The following GPHN variants were observed in gnomAD, a reference collection of about 807,000 sequenced individuals.
GPHN encodes the protein gephyrin.
Under a neutral mutation model 95.5 loss-of-function variants are expected in GPHN, and 17 were observed. That is an observed-to-expected ratio of 0.18 (90% confidence interval 0.12 to 0.27). The LOEUF is 0.27. GPHN is among the 10% of genes least tolerant of loss of function. GPHN has a pLI of 1.00. For synonymous variants in GPHN, 320 were observed against 322.5 expected (o/e 0.99, Z 0.08); for missense variants, 660 against 978.1 (o/e 0.67, Z 4.34).
chr14:66,523,005 A>G (rs1170102933), intron 1 of GPHN, among the ~76,000 whole-genome samples: 1 of 152,070 alleles, frequency 6.6e-6, no homozygotes, highest in Non-Finnish European at 1.5e-5. Flanking sequence ...TGATCTCTAA[A>G]ATCCCCTTCA....
the GPHN span, among the ~76,000 whole-genome samples, chr14:67,509,177 A>G: frequency 2.0e-5 from 3 of 152,178 alleles, no homozygotes; most frequent in African/African-American, 7.2e-5. Flanking sequence ...TTCCCTTTAC[A>G]GTAACTCCCA....
the GPHN span, chr14:67,338,759 T>C: frequency 1.2e-6 from 2 of 1,611,074 alleles, no homozygotes; most frequent in Non-Finnish European, 8.5e-7. Flanking sequence ...GTATTTTCTT[T>C]AACCTGTAAA....
the GPHN span, among the ~76,000 whole-genome samples, chr14:67,516,301 A>G: frequency 6.6e-6 from 1 of 152,044 alleles, no homozygotes; most frequent in Non-Finnish European, 1.5e-5. Flanking sequence ...TCACTAACCC[A>G]TCCGGAGAGG....
At chr14:66,768,354 A>C (rs2059040126) in intron 2 of GPHN, among the ~76,000 whole-genome samples, 2 of 151,994 alleles carry the variant, frequency 1.3e-5, no homozygotes, top group South Asian at 4.1e-4. Context: ...ATTATAGAGA[A>C]GATAATCTCT....
At chr14:67,417,969 C>T in the GPHN span, among the ~76,000 whole-genome samples, 52 of 152,118 alleles carry the variant, frequency 3.4e-4, no homozygotes, top group Non-Finnish European at 7.2e-4. Flanking sequence ...TGGATTTGAA[C>T]TCCTGGGCGC....
intron 2 of GPHN, among the ~76,000 whole-genome samples, chr14:66,746,769 A>G (rs1268610110): frequency 6.6e-6 from 1 of 152,170 alleles, no homozygotes; most frequent in Non-Finnish European, 1.5e-5. Flanking sequence ...CACCAAGGCT[A>G]CATGGTGGGA....
intron 21 of GPHN, among the ~76,000 whole-genome samples, chr14:67,178,216 T>C (rs1348082977): frequency 6.6e-6 from 1 of 152,324 alleles, no homozygotes; most frequent in Admixed American, 6.5e-5. Context: ...TTCCTTTCCA[T>C]GTTTAGTGCT....
intron 11 of GPHN, among the ~76,000 whole-genome samples, chr14:67,088,073 T>C (rs2076982404): frequency 6.6e-6 from 1 of 152,214 alleles, no homozygotes; most frequent in Non-Finnish European, 1.5e-5. Context: ...ACTAGTGCTC[T>C]TCTTATAGGC....
chr14:67,224,644 G>T, the GPHN span: 3 of 299,948 alleles, frequency 1.0e-5, no homozygotes, highest in African/African-American at 4.6e-5. Context: ...TTTACAGTGA[G>T]CCCAAATTAT....
At chr14:67,302,011 A>G in the GPHN span, 12 of 1,608,622 alleles carry the variant, frequency 7.5e-6, no homozygotes, top group Non-Finnish European at 1.0e-5. Flanking sequence ...TGAGCAGGAA[A>G]TGCAGCTAGA....
rs112158305 is a variant in GPHN, at chr14:66,844,604, C to T, written c.294+20038C>T. 6.5e-3 allele frequency among the ~76,000 whole-genome samples: 986 copies of T among 151,864 alleles called. 13 individuals carry two copies. The highest frequency in any genetic ancestry group is 0.022 in the African/African-American group (931 of 41,390). On this transcript the variant is annotated intron_variant, in intron 4 of 22. Transcript: ENST00000478722. ...TAAAGAGGTGATAGATTTAGGGATA[C>T]GGAAAAAGTATGGATGGGTTTTTAT...
At chr14:67,185,314 T>A (rs560398430), downstream of GPHN, among the ~76,000 whole-genome samples, 2 of 152,218 alleles carry the variant, frequency 1.3e-5, no homozygotes, top group African/African-American at 2.4e-5. Context: ...GGTGGCCCAA[T>A]GTGGCTGGGA....
chr14:67,684,324 T>G, the GPHN span, among the ~76,000 whole-genome samples: 1 of 152,152 alleles, frequency 6.6e-6, no homozygotes, highest in African/African-American at 2.4e-5. Flanking sequence ...TTTGATCTTA[T>G]GTGATGCCTG....
At position 67,165,293 on chromosome 14, in the gene GPHN, T is replaced by C; in HGVS notation, c.1975+67T>C. 4.2e-6 allele frequency: 4 copies of C among 952,676 alleles called. No individual in the cohort carries two copies. The Admixed American group carries it at 7.0e-5, about 17-fold the overall frequency. 59.0% of individuals were successfully genotyped at this position (952,676 alleles called of 1,614,324 possible). On this transcript the variant is annotated intron_variant, in intron 20 of 22. Transcript: ENST00000478722. ...TAGCCAAAATTTTTTGGACTTCTCA[T>C]GTGACCACCTGGTTTGAAATCTGAA...
the GPHN span, chr14:67,653,329 C>T: frequency 1.9e-5 from 16 of 851,358 alleles, no homozygotes; most frequent in Middle Eastern, 2.3e-4. Flanking sequence ...AGGGACTATG[C>T]GTCAACTGCT....
the GPHN span, among the ~76,000 whole-genome samples, chr14:67,693,609 G>A: frequency 6.6e-6 from 1 of 150,870 alleles, no homozygotes; most frequent in African/African-American, 2.4e-5. Flanking sequence ...TTCAAGTCTT[G>A]CTTTGTGTAA....
chr14:66,897,743 C>T (rs749673296), intron 5 of GPHN, among the ~76,000 whole-genome samples: 8 of 152,072 alleles, frequency 5.3e-5, no homozygotes, highest in Non-Finnish European at 1.0e-4. Context: ...TGTTGAAGGA[C>T]ATCTGGGTTG....
Position 66,779,201 on chromosome 14 carries a change from C to T in GPHN, c.201+2680C>T, listed in dbSNP as rs113567134. ...TCAGAAATTAATGTGGTAATTCTAG[C>T]TTCAAAAAAAATTTCAAGAAATTTA... On this transcript the variant is annotated intron_variant, in intron 3 of 22. Transcript: ENST00000478722. Among the ~76,000 whole-genome samples the T allele has an allele frequency of 3.1e-3, 470 of 152,172 alleles. 11 individuals are homozygous for T. The highest frequency in any genetic ancestry group is 0.011 in the African/African-American group (445 of 41,526).
chr14:67,059,287 G>A (rs1217956777), intron 11 of GPHN, among the ~76,000 whole-genome samples: 1 of 152,098 alleles, frequency 6.6e-6, no homozygotes, highest in Non-Finnish European at 1.5e-5. Flanking sequence ...GCATTCCCCA[G>A]TATTTTGTTT....
Sources: allele counts gnomAD v4.1 joint callset (sites outside exome capture counted in the v4.1 genomes callset), GRCh38; gene constraint gnomAD v4.1.1; transcripts MANE v1.5; gene names NCBI Gene and HGNC (gene_info 2026-07-23, HGNC 2026-07-21).